The following CCDC88C variants were observed in gnomAD, a reference collection of about 807,000 sequenced individuals.
CCDC88C encodes coiled-coil and HOOK domain protein 88C.
A neutral mutation model predicts 198.8 loss-of-function variants in CCDC88C; 131 were observed. That is an observed-to-expected ratio of 0.66 (90% CI 0.57 to 0.76). The LOEUF (loss-of-function observed/expected upper bound fraction) is 0.76. CCDC88C is among the 30% of genes least tolerant of loss of function. The pLI is 0.00. For missense variants in CCDC88C, 2,553 were observed against 2,631.6 expected (o/e 0.97, Z 0.65); for synonymous variants, 1,166 against 1,114.7 (o/e 1.05, Z -0.92).
intron 13 of CCDC88C, among the ~76,000 whole-genome samples, chr14:91,320,692 C>T (rs1488855220): frequency 6.6e-6 from 1 of 152,096 alleles, no homozygotes; most frequent in Non-Finnish European, 1.5e-5. Context: ...TGTAGGATAC[C>T]CAGCTGGTGT....
In CCDC88C at chr14:91,375,283, A is replaced by G. The variant is rs529472982; in HGVS notation, c.271-15572T>C. Among the ~76,000 whole-genome samples, 5 of 152,204 alleles carry G rather than the reference A, an allele frequency of 3.3e-5. No individual in the cohort carries two copies. The East Asian group carries it at 7.8e-4, about 24-fold the overall frequency. ...TCTGTGTGTGTGTGTGCGCGCGCGC[A>G]TGTGGGAGAGAGAGAGACAGGCTGT... On this transcript the variant is annotated intron_variant, in intron 3 of 29. Coordinates refer to ENST00000389857, the MANE Select transcript of CCDC88C (RefSeq NM_001080414.4).
In CCDC88C at chr14:91,288,862, A is replaced by G. The variant is rs2139741144; in HGVS notation, c.4441+243T>C. 1 of 409,054 alleles carries G rather than the reference A, an allele frequency of 2.4e-6. No individual in the cohort carries two copies. Among genetic ancestry groups the G allele is most frequent in the East Asian group, 4.1e-5 (1 of 24,400 alleles). The allele number at this position is 409,054 out of a possible 1,614,324, so 25.3% of individuals were successfully genotyped here. A position where few individuals can be genotyped will look rare whatever the true frequency, so the allele number is the denominator to read the frequency against. On this transcript the variant is annotated intron_variant, in intron 25 of 29. Coordinates refer to ENST00000389857, the MANE Select transcript of CCDC88C (RefSeq NM_001080414.4). This position sits in a 1 kb window ranked among gnomAD's most constrained non-coding sequence, Gnocchi z 4.2. ...GCCAGGCTGCACTCTAGCCTGGGCA[A>G]CAAGAGTGAAACTCCATCTCAAAAA...
At chr14:91,412,988 A>T (rs928495598) in intron 2 of CCDC88C, among the ~76,000 whole-genome samples, 1 of 152,010 alleles carries the variant, frequency 6.6e-6, no homozygotes, top group African/African-American at 2.4e-5. Flanking sequence ...AGGTAAAGAA[A>T]CTCTCCTATT....
intron 10 of CCDC88C, among the ~76,000 whole-genome samples, chr14:91,328,995 G>C (rs148359061): frequency 6.6e-6 from 1 of 152,298 alleles, no homozygotes; most frequent in Non-Finnish European, 1.5e-5. Context: ...GGTTCCCTAA[G>C]GGGGCCATAG....
intron 4 of CCDC88C, among the ~76,000 whole-genome samples, chr14:91,355,736 T>A (rs1257480634): frequency 7.1e-6 from 1 of 140,638 alleles, no homozygotes; most frequent in African/African-American, 2.5e-5. Flanking sequence ...TTCTGTCTGA[T>A]GGGTGTGGGG....
intron 3 of CCDC88C, among the ~76,000 whole-genome samples, chr14:91,388,798 GCTGGTGGAAAGGACTTCC>G (rs1483842610): frequency 6.6e-6 from 1 of 152,156 alleles, no homozygotes; most frequent in Non-Finnish European, 1.5e-5. Context: ...TCCCTTTGGG[GCTGGTGGAAAGGACTTCC>G]CTGGGTATTA....
At chr14:91,355,407 G>A (rs1051944064) in intron 4 of CCDC88C, among the ~76,000 whole-genome samples, 7 of 152,172 alleles carry the variant, frequency 4.6e-5, no homozygotes, top group Non-Finnish European at 4.4e-5. Context: ...AAGTGAGGGC[G>A]GGGTTCAAGC....
At chr14:91,285,372 G>T (rs774868355) in intron 25 of CCDC88C, 9 of 451,178 alleles carry the variant, frequency 2.0e-5, no homozygotes, top group Middle Eastern at 3.2e-4. Context: ...GAGACGGGAG[G>T]GGGGCACGGC....
At chr14:91,290,892 G>C (rs965347332) in intron 24 of CCDC88C, 103 bp downstream of exon 24, 2 of 698,724 alleles carry the variant, frequency 2.9e-6, no homozygotes, top group Non-Finnish European at 5.2e-6. Flanking sequence ...CTGTGCACAG[G>C]TGGATGGTGC....
At chr14:91,383,142 G>A (rs1465634721) in intron 3 of CCDC88C, among the ~76,000 whole-genome samples, 1 of 152,216 alleles carries the variant, frequency 6.6e-6, no homozygotes, top group Non-Finnish European at 1.5e-5. Flanking sequence ...TTCTTATAGA[G>A]CCCTATTCTC....
intron 3 of CCDC88C, among the ~76,000 whole-genome samples, chr14:91,362,028 GT>G (rs1894328186): frequency 6.6e-6 from 1 of 152,034 alleles, no homozygotes; most frequent in African/African-American, 2.4e-5. Context: ...GAGGTCAGGG[GT>G]TCAAGACCAG....
chr14:91,290,745 C>A (rs1264472589), intron 24 of CCDC88C, among the ~76,000 whole-genome samples: 1 of 152,104 alleles, frequency 6.6e-6, no homozygotes, highest in East Asian at 1.9e-4. Context: ...GATGCTCTGC[C>A]CCCTTAAAAA....
At position 91,370,318 on chromosome 14, in the gene CCDC88C, TGGC is replaced by T. The variant is rs1339124104; in HGVS notation, c.271-10610_271-10608del. ...GCAAGAGAGGCACAGCACATCTTTA[TGGC>T]GTTAACTCGGCTGCCAGCTCTCACC... On this transcript the variant is annotated intron_variant, in intron 3 of 29. Coordinates refer to ENST00000389857, the MANE Select transcript of CCDC88C (RefSeq NM_001080414.4). Among the ~76,000 whole-genome samples the T allele has an allele frequency of 2.0e-5, 3 of 152,344 alleles. No homozygotes were observed. In the East Asian group the frequency reaches 5.8e-4, roughly 29 times the overall value.
At position 91,358,108 on chromosome 14, in the gene CCDC88C, G is replaced by A. The variant is rs114936539; in HGVS notation, c.340+1534C>T. 7.7e-3 allele frequency among the ~76,000 whole-genome samples: 1,165 copies of A among 152,278 alleles called. 14 individuals carry two copies. Among genetic ancestry groups the A allele is most frequent in the African/African-American group, 0.027 (1,103 of 41,540 alleles). The stretch of plus-strand genomic sequence containing the variant: ...CAGCCAGCTGGAGCCCAGAAAGAGC[G>A]CCCCCACGGAACAAGGAAGCCGCTG... On this transcript the variant is annotated intron_variant, in intron 4 of 29. Coordinates refer to ENST00000389857, the MANE Select transcript of CCDC88C (RefSeq NM_001080414.4).
chr14:91,377,545 GC>G (rs1010270955), intron 3 of CCDC88C, among the ~76,000 whole-genome samples: 27 of 149,986 alleles, frequency 1.8e-4, no homozygotes, highest in Middle Eastern at 3.4e-3. Context: ...AATGCAGATG[GC>G]CCCCCCCCGG....
At chr14:91,382,233 A>C (rs746965661) in intron 3 of CCDC88C, among the ~76,000 whole-genome samples, 1 of 152,168 alleles carries the variant, frequency 6.6e-6, no homozygotes, top group African/African-American at 2.4e-5. Context: ...TCTTTTCCAC[A>C]AATCTCAACG....
intron 2 of CCDC88C, among the ~76,000 whole-genome samples, chr14:91,415,412 C>T (rs2140024843): frequency 6.6e-6 from 1 of 151,692 alleles, no homozygotes; most frequent in Non-Finnish European, 1.5e-5. Context: ...AACAGCATGA[C>T]ATCAAATGAC....
chr14:91,338,304 C>A lies in CCDC88C; in HGVS notation c.892-141G>T, dbSNP rs1893145650. ...GGTGGCCGGGGGCCTCCATGTGCCA[C>A]CACCACACGGGATCTCCACCTGCTG... On this transcript the variant is annotated intron_variant, in intron 9 of 29. Transcript: ENST00000389857. The surrounding 1 kb of genome is among the most constrained non-coding windows in gnomAD (Gnocchi z 4.8). The A allele has an allele frequency of 1.9e-6, 2 of 1,071,902 alleles. No homozygotes were observed. The highest frequency in any genetic ancestry group is 2.2e-5 in the Admixed American group (1 of 45,162). 66.4% of individuals were successfully genotyped at this position (1,071,902 alleles called of 1,614,324 possible).
At position 91,314,100 on chromosome 14, in the gene CCDC88C, C is replaced by A. The variant is rs767670216; in HGVS notation, c.1716G>T (p.Ser572=). The A allele has an allele frequency of 6.2e-7, 1 of 1,613,684 alleles. No individual in the cohort carries two copies. The highest frequency in any genetic ancestry group is 8.5e-7 in the Non-Finnish European group (1 of 1,179,836). Residue 572 remains serine, a synonymous_variant, in exon 15 of 30, where the codon TCG becomes TCT. Coordinates refer to ENST00000389857, the MANE Select transcript of CCDC88C (RefSeq NM_001080414.4). ...TGCTGACCTGCGACCTCTCCCGCAG[C>A]GACCACATGGCTCGGTTGAGGTGGT... The part of the protein sequence containing the change: ...EKDHLNRAMW[S]LRERSQVSSE...
Sources: gnomAD v4.1 joint callset for allele counts (sites outside exome capture counted in the v4.1 genomes callset) on GRCh38, gnomAD v4.1.1 for gene constraint, Gnocchi (gnomAD v3.1) non-coding constraint, MANE v1.5 for transcripts, NCBI Gene and HGNC (gene_info 2026-07-23, HGNC 2026-07-21) for gene names.